Variants in ABTB3 observed in about 807,000 individuals in gnomAD.
ABTB3 encodes ankyrin repeat and BTB domain containing 3, also known as ankyrin repeat- and BTB/POZ domain-containing protein 3.
the ABTB3 span, chr12:107,649,247 G>T: frequency 6.2e-7 from 1 of 1,613,844 alleles, no homozygotes; most frequent in East Asian, 2.2e-5. Context: ...CAGAGTCACT[G>T]CTCATTAAAA....
chr12:107,500,198 G>A, the ABTB3 span, among the ~76,000 whole-genome samples: 1 of 152,268 alleles, frequency 6.6e-6, no homozygotes, highest in African/African-American at 2.4e-5. Flanking sequence ...GGATCCTGCT[G>A]CGCTGAGGCC....
the ABTB3 span, among the ~76,000 whole-genome samples, chr12:107,506,706 G>C: frequency 2.0e-5 from 3 of 152,236 alleles, no homozygotes; most frequent in Non-Finnish European, 2.9e-5. Context: ...TTTGATGTGT[G>C]TTTGTCCTCC....
the ABTB3 span, among the ~76,000 whole-genome samples, chr12:107,437,401 CTTT>C: frequency 1.8e-3 from 249 of 138,206 alleles, no homozygotes; most frequent in African/African-American, 6.0e-3. Flanking sequence ...TTTCTTTTTT[CTTT>C]TTTTTTTTTT....
At chr12:107,469,863 T>C in the ABTB3 span, among the ~76,000 whole-genome samples, 1 of 141,224 alleles carries the variant, frequency 7.1e-6, no homozygotes, top group African/African-American at 2.9e-5. Context: ...CTTTCTTTCT[T>C]TCTTTTCTTT....
chr12:107,470,384 AT>A, the ABTB3 span, among the ~76,000 whole-genome samples: 1 of 152,028 alleles, frequency 6.6e-6, no homozygotes, highest in Non-Finnish European at 1.5e-5. Context: ...GGGCTCAAAA[AT>A]ATTTAGTTCC....
At chr12:107,572,698 A>C in the ABTB3 span, among the ~76,000 whole-genome samples, 3 of 152,212 alleles carry the variant, frequency 2.0e-5, no homozygotes, top group Non-Finnish European at 4.4e-5. Flanking sequence ...GCAGGGAGAT[A>C]AATGATTGAG....
chr12:107,369,475 G>A, the ABTB3 span, among the ~76,000 whole-genome samples: 23 of 146,312 alleles, frequency 1.6e-4, no homozygotes, highest in Non-Finnish European at 2.2e-4. Flanking sequence ...TTGGCTCACT[G>A]CAACCTCTGC....
At chr12:107,391,156 T>C in the ABTB3 span, among the ~76,000 whole-genome samples, 1 of 152,034 alleles carries the variant, frequency 6.6e-6, no homozygotes, top group African/African-American at 2.4e-5. Flanking sequence ...GCCTCAAAAA[T>C]AAAAATAAAA....
the ABTB3 span, chr12:107,581,250 G>A: frequency 6.6e-7 from 1 of 1,518,578 alleles, no homozygotes; most frequent in Non-Finnish European, 8.8e-7. Flanking sequence ...GACGACGTCC[G>A]CCAGGCGGCC....
At chr12:107,658,595 T>C in the ABTB3 span, 1 of 152,660 alleles carries the variant, frequency 6.6e-6, no homozygotes, top group Non-Finnish European at 1.5e-5. Context: ...AATGTTACGT[T>C]TGTGCTTCAT....
the ABTB3 span, among the ~76,000 whole-genome samples, chr12:107,426,105 G>A: frequency 2.6e-5 from 4 of 152,104 alleles, no homozygotes; most frequent in African/African-American, 7.2e-5. Flanking sequence ...TCTCCTTTTC[G>A]ACTCCTCTCC....
chr12:107,340,963 G>C, the ABTB3 span, among the ~76,000 whole-genome samples: 34 of 152,252 alleles, frequency 2.2e-4, no homozygotes, highest in African/African-American at 8.2e-4. Flanking sequence ...AATGCAGTTG[G>C]TGCCCTTGAG....
chr12:107,482,969 TTTCTTTCTTTCTTTCTTTCC>T, the ABTB3 span, among the ~76,000 whole-genome samples: 8,586 of 79,314 alleles, frequency 0.11, 300 homozygotes, highest in Non-Finnish European at 0.13. Flanking sequence ...TCTTTCTTTC[TTTCTTTCTTTCTTTCTTTCC>T]TTCCTTCCTT....
chr12:107,350,678 T>G, the ABTB3 span, among the ~76,000 whole-genome samples: 239 of 152,206 alleles, frequency 1.6e-3, no homozygotes, highest in Non-Finnish European at 3.0e-3. Flanking sequence ...CCAAAGCATC[T>G]CTTTGGGTAA....
chr12:107,591,342 A>G, the ABTB3 span, among the ~76,000 whole-genome samples: 3 of 152,208 alleles, frequency 2.0e-5, no homozygotes, highest in Non-Finnish European at 2.9e-5. Context: ...TGACTCAGCG[A>G]TCCACAGTCT....
At chr12:107,327,603 A>G in the ABTB3 span, among the ~76,000 whole-genome samples, 1 of 152,194 alleles carries the variant, frequency 6.6e-6, no homozygotes, top group Non-Finnish European at 1.5e-5. Flanking sequence ...CTTAGTAGGC[A>G]TGAGCTCTGA....
chr12:107,488,074 G>A, the ABTB3 span, among the ~76,000 whole-genome samples: 2 of 152,082 alleles, frequency 1.3e-5, no homozygotes, highest in Non-Finnish European at 1.5e-5. Context: ...AGGTACAAGA[G>A]TACCTTCAAG....
At chr12:107,527,936 T>C in the ABTB3 span, among the ~76,000 whole-genome samples, 8 of 152,164 alleles carry the variant, frequency 5.3e-5, no homozygotes, top group Non-Finnish European at 7.3e-5. Flanking sequence ...GCAAGTGACT[T>C]GATCACTCTG....
At chr12:107,520,756 A>T in the ABTB3 span, 1 of 1,286,296 alleles carries the variant, frequency 7.8e-7, no homozygotes, top group Non-Finnish European at 1.1e-6. Context: ...GCGGGGTGAC[A>T]CCTTTTATTG....
Sources: allele counts gnomAD v4.1 joint callset (sites outside exome capture counted in the v4.1 genomes callset), GRCh38; gene constraint gnomAD v4.1.1; transcripts MANE v1.5; gene names NCBI Gene and HGNC (gene_info 2026-07-23, HGNC 2026-07-21).